The following NEBL variants were observed in gnomAD, a reference collection of about 807,000 sequenced individuals.
NEBL encodes the protein LIM and SH3 protein 2.
In NEBL, 122 loss-of-function variants were observed where a neutral mutation model predicts 140.2. That is an observed-to-expected ratio of 0.87 (90% CI 0.75 to 1.01). NEBL has a LOEUF of 1.01. Ranked by LOEUF, NEBL falls within the 50% of genes least tolerant of loss-of-function variation. The pLI, the probability that NEBL is intolerant of heterozygous loss-of-function variation, is 0.00. For synonymous variants in NEBL, 436 were observed against 398.9 expected, an observed-to-expected ratio of 1.09 and a Z score of -1.11; for missense variants, 1,365 against 1,231.3, an observed-to-expected ratio of 1.11 and a Z score of -1.62.
At chr10:21,125,153 C>T (rs2132053844) in intron 2 of NEBL, among the ~76,000 whole-genome samples, 1 of 152,162 alleles carries the variant, frequency 6.6e-6, no homozygotes, top group East Asian at 1.9e-4. Flanking sequence ...ATCTCTAATT[C>T]TTATGATGAA....
rs1487742589 is a variant in NEBL at position 20,826,361 on chromosome 10, C to G, written c.1869+86G>C. The G allele has an allele frequency of 3.0e-6, 3 of 1,011,340 alleles. No individual in the cohort carries two copies. In the African/African-American group the frequency reaches 4.8e-5, roughly 16 times the overall value. 62.6% of individuals were successfully genotyped at this position (1,011,340 alleles called of 1,614,324 possible). A position where few individuals can be genotyped will look rare whatever the true frequency, so the allele number is the denominator to read the frequency against. On this transcript the variant is annotated intron_variant, in intron 18 of 27. Coordinates refer to ENST00000377122, the MANE Select transcript of NEBL (RefSeq NM_006393.3). ...AAAGTGAAGAATAAAAGGAAAAAAG[C>G]CATCAGTTGAGTAAAGAACTAAAAA...
chr10:20,867,607 A>T (rs138658414), intron 7 of NEBL, among the ~76,000 whole-genome samples: 7 of 152,230 alleles, frequency 4.6e-5, no homozygotes, highest in African/African-American at 1.7e-4. Flanking sequence ...ATCCTTATGT[A>T]GTATATAGAG....
At chr10:21,082,049 A>G (rs1836390862) in intron 2 of NEBL, among the ~76,000 whole-genome samples, 1 of 152,210 alleles carries the variant, frequency 6.6e-6, no homozygotes, top group African/African-American at 2.4e-5. Context: ...TACCATGAAA[A>G]GAACATAGCA....
chr10:20,939,294 A>T (rs1388390528), intron 4 of NEBL, among the ~76,000 whole-genome samples: 1 of 152,230 alleles, frequency 6.6e-6, no homozygotes, highest in African/African-American at 2.4e-5. Flanking sequence ...ATTCTTAAAG[A>T]AAAGAATTTT....
intron 3 of NEBL, among the ~76,000 whole-genome samples, chr10:20,962,048 G>T (rs1836075737): frequency 6.6e-6 from 1 of 152,152 alleles, no homozygotes. Context: ...AAACAACAAT[G>T]GCTATTTAAG....
intron 26 of NEBL, among the ~76,000 whole-genome samples, chr10:20,788,039 T>A (rs1183810766): frequency 6.6e-6 from 1 of 152,192 alleles, no homozygotes; most frequent in South Asian, 2.1e-4. Flanking sequence ...GTATGTGCTC[T>A]CCAAACCACT....
intron 2 of NEBL, among the ~76,000 whole-genome samples, chr10:21,082,916 C>G (rs1201925386): frequency 6.6e-6 from 1 of 152,104 alleles, no homozygotes; most frequent in African/African-American, 2.4e-5. Flanking sequence ...GCGCCTGCCA[C>G]CACACCTGGC....
At chr10:20,882,018 A>C (rs1156599248) in intron 4 of NEBL, among the ~76,000 whole-genome samples, 1 of 152,112 alleles carries the variant, frequency 6.6e-6, no homozygotes, top group Non-Finnish European at 1.5e-5. Context: ...ATCTCTACTA[A>C]ATATCGAAAA....
intron 3 of NEBL, among the ~76,000 whole-genome samples, chr10:21,217,064 C>T (rs2132241313): frequency 6.6e-6 from 1 of 152,270 alleles, no homozygotes; most frequent in South Asian, 2.1e-4. Flanking sequence ...TGGGAAGGGG[C>T]TCTGCACTGA....
intron 4 of NEBL, among the ~76,000 whole-genome samples, chr10:20,909,428 A>G (rs1431213300): frequency 6.6e-6 from 1 of 152,070 alleles, no homozygotes; most frequent in African/African-American, 2.4e-5. Context: ...ACTCTTAATA[A>G]TTTAGATGCC....
At chr10:21,103,997 G>C (rs1378244502) in intron 2 of NEBL, among the ~76,000 whole-genome samples, 3 of 152,006 alleles carry the variant, frequency 2.0e-5, no homozygotes, top group Non-Finnish European at 2.9e-5. Flanking sequence ...GTTTTGTTTT[G>C]TTTTCTTTTC....
chr10:21,064,929 G>A (rs1199827418), intron 2 of NEBL, among the ~76,000 whole-genome samples: 1 of 152,180 alleles, frequency 6.6e-6, no homozygotes, highest in Admixed American at 6.6e-5. Flanking sequence ...ATTTAAGAAT[G>A]AGATAGAAAA....
chr10:20,860,979 T>A (rs1038793271), intron 7 of NEBL, among the ~76,000 whole-genome samples: 3 of 152,166 alleles, frequency 2.0e-5, no homozygotes, highest in Admixed American at 2.0e-4. Flanking sequence ...CATTTGATAA[T>A]AAAAAATTTC....
intron 4 of NEBL, among the ~76,000 whole-genome samples, chr10:20,927,907 G>T (rs1833991476): frequency 1.3e-5 from 2 of 152,292 alleles, no homozygotes; most frequent in South Asian, 4.1e-4. Context: ...CATCCTGTAA[G>T]ATAGTGTCAC....
chr10:21,220,886 C>A (rs1345390183), intron 3 of NEBL, among the ~76,000 whole-genome samples: 2 of 152,162 alleles, frequency 1.3e-5, no homozygotes, highest in Non-Finnish European at 2.9e-5. Context: ...TTGGGCATGG[C>A]GGCTCATGCC....
rs1452124732 is a variant in NEBL at position 21,183,718 on chromosome 10, G to A, written n.349-11241C>T. Among the ~76,000 whole-genome samples, 12 of 152,276 alleles carry A rather than the reference G, an allele frequency of 7.9e-5. No individual in the cohort carries two copies. In the South Asian group the frequency reaches 1.0e-3, roughly 13 times the overall value. On this transcript the variant is annotated intron_variant and non_coding_transcript_variant, in intron 3 of 8. Transcript: ENST00000675702. ...GGGAATGAGGCCCCACTTGCAGGCC[G>A]GACATAAGGAGGACATAGTTGCAGG...
intron 4 of NEBL, among the ~76,000 whole-genome samples, chr10:20,958,565 C>T (rs556006444): frequency 1.3e-5 from 2 of 152,282 alleles, no homozygotes; most frequent in African/African-American, 4.8e-5. Flanking sequence ...TCATAAGCAA[C>T]CAAACCCCAT....
Position 21,188,598 on chromosome 10 carries a change from CTT to C in NEBL, n.349-16123_349-16122del, listed in dbSNP as rs774673307. Reference sequence around the variant, plus strand: ...CATGCAATTGGATATATAGTAAAATCTTTTTTTTTTTTTTTTTTTGAGACAGA... The same window carrying C: ...CATGCAATTGGATATATAGTAAAATCTTTTTTTTTTTTTTTTTGAGACAGA... On this transcript the variant is annotated intron_variant and non_coding_transcript_variant, in intron 3 of 8. Coordinates refer to the NEBL transcript ENST00000675702. Among the ~76,000 whole-genome samples the C allele has an allele frequency of 7.1e-3, 889 of 125,842 alleles. 6 individuals are homozygous for C. The highest frequency in any genetic ancestry group is 0.025 in the African/African-American group (820 of 32,914). The allele number at this position is 125,842 out of a possible 152,430, so 82.6% of individuals were successfully genotyped here. A position where few individuals can be genotyped will look rare whatever the true frequency, so the allele number is the denominator to read the frequency against.
intron 2 of NEBL, among the ~76,000 whole-genome samples, chr10:21,073,409 G>A (rs1400785546): frequency 6.6e-6 from 1 of 151,672 alleles, no homozygotes; most frequent in Non-Finnish European, 1.5e-5. Flanking sequence ...TTGAGGTCAG[G>A]AGTTCAAGAC....
Sources: gnomAD v4.1 joint callset for allele counts (sites outside exome capture counted in the v4.1 genomes callset) on GRCh38, gnomAD v4.1.1 for gene constraint, MANE v1.5 for transcripts, NCBI Gene and HGNC (gene_info 2026-07-23, HGNC 2026-07-21) for gene names.